Variants in RSRC1 observed in about 807,000 individuals in gnomAD.
RSRC1 encodes serine/Arginine-related protein 53.
A neutral mutation model predicts 49.1 loss-of-function variants in RSRC1; 39 were observed. The observed-to-expected ratio is 0.79, with a 90% CI of 0.61 to 1.04. The LOEUF (loss-of-function observed/expected upper bound fraction) is 1.04, where lower values mean the gene tolerates loss of function less well. Ranked by LOEUF, RSRC1 falls within the 50% of genes least tolerant of loss-of-function variation. The probability of loss-of-function intolerance (pLI) is 0.00; values close to 1 mark genes in which losing one functional copy is unlikely to be tolerated. For missense variants in RSRC1, 388 were observed against 402.4 expected (o/e 0.96, Z 0.31); for synonymous variants, 143 against 130.8 (o/e 1.09, Z -0.63).
chr3:158,300,841 T>C (rs957027284), intron 5 of RSRC1, among the ~76,000 whole-genome samples: 1 of 152,184 alleles, frequency 6.6e-6, no homozygotes, highest in Non-Finnish European at 1.5e-5. Flanking sequence ...AGAAAAATTA[T>C]ATTTGTCGCT....
At position 158,122,218 on chromosome 3, in the gene RSRC1, G is replaced by T. The variant is rs772648749; in HGVS notation, c.114G>T (p.Lys38Asn). Residue 38 changes from lysine to asparagine, a missense_variant, in exon 2 of 10, where the codon AAG becomes AAT. Physicochemically the swap from Lys to Asn is moderately conservative, Grantham distance 94. Transcript: ENST00000611884. The part of the protein sequence containing the change: ...SSSDSRTYSR[K>N]KGGRKSRSKS... ...CAGATAGTAGAACATACAGCCGAAA[G>T]AAAGGAGGAAGGAAATCAAGATCAA... The T allele has an allele frequency of 6.8e-6, 11 of 1,607,484 alleles. No individual in the cohort carries two copies. The South Asian group carries it at 1.2e-4, about 18-fold the overall frequency.
intron 6 of RSRC1, among the ~76,000 whole-genome samples, chr3:158,372,516 C>A (rs1015841039): frequency 1.4e-4 from 22 of 151,954 alleles, no homozygotes; most frequent in African/African-American, 5.1e-4. Flanking sequence ...ATCTGTCTAT[C>A]CTTTTACTCA....
At chr3:158,197,819 T>A (rs1720732470) in intron 3 of RSRC1, among the ~76,000 whole-genome samples, 1 of 152,204 alleles carries the variant, frequency 6.6e-6, no homozygotes, top group Non-Finnish European at 1.5e-5. Context: ...AGTTTCTTAA[T>A]CGTCAGTTCT....
At chr3:158,295,737 C>A (rs1375850142) in intron 4 of RSRC1, among the ~76,000 whole-genome samples, 1 of 152,068 alleles carries the variant, frequency 6.6e-6, no homozygotes, top group Non-Finnish European at 1.5e-5. Flanking sequence ...TTATAAATAT[C>A]TTTTAATTTA....
chr3:158,358,953 A>ACCC (rs1430134198), intron 6 of RSRC1, among the ~76,000 whole-genome samples: 60 of 144,224 alleles, frequency 4.2e-4, no homozygotes, highest in Admixed American at 3.7e-3. Flanking sequence ...CACACACACA[A>ACCC]CTTATTAATC....
intron 4 of RSRC1, among the ~76,000 whole-genome samples, chr3:158,279,510 T>G (rs934065970): frequency 3.3e-5 from 5 of 152,248 alleles, no homozygotes; most frequent in Non-Finnish European, 5.9e-5. Context: ...GATCCCTGAT[T>G]TGTACTTTCG....
At position 158,445,739 on chromosome 3, in the gene RSRC1, A is replaced by C. The variant is rs1328479399; in HGVS notation, c.584-15196A>C. Among the ~76,000 whole-genome samples the C allele has an allele frequency of 2.0e-5, 3 of 152,132 alleles. No individual in the cohort carries two copies. The East Asian group carries it at 5.8e-4, about 29-fold the overall frequency. On this transcript the variant is annotated intron_variant, in intron 6 of 9. Coordinates refer to ENST00000611884, the MANE Select transcript of RSRC1 (RefSeq NM_001271838.2). ...TTCCAAAATGGACCATTTTTTAATA[A>C]AGCAAATCTAAACAGGCCAATGATT...
Position 158,197,486 on chromosome 3 carries a change from T to TTG in RSRC1, c.321-5584_321-5583dup, listed in dbSNP as rs554899934. Among the ~76,000 whole-genome samples the TTG allele has an allele frequency of 2.3e-3, 347 of 152,290 alleles. 1 individual carries two copies. Among genetic ancestry groups the TTG allele is most frequent in the African/African-American group, 8.0e-3 (333 of 41,564 alleles). On this transcript the variant is annotated intron_variant, in intron 3 of 9. Transcript: ENST00000611884. ...TTCATTGATTTTTTGAAGGGATTTT[T>TTG]TGTCTCTATCTCCTTCAGTTCTGCT...
chr3:158,175,310 G>A (rs964364173), intron 3 of RSRC1, among the ~76,000 whole-genome samples: 1 of 151,898 alleles, frequency 6.6e-6, no homozygotes, highest in African/African-American at 2.4e-5. Context: ...TAATGCATAA[G>A]ACTTCTTAAT....
At chr3:158,288,869 T>C (rs1482651683) in intron 4 of RSRC1, among the ~76,000 whole-genome samples, 2 of 116,142 alleles carry the variant, frequency 1.7e-5, no homozygotes, top group African/African-American at 6.7e-5. Context: ...TGATCTGTGG[T>C]TGGTTGACTT....
intron 3 of RSRC1, among the ~76,000 whole-genome samples, chr3:158,195,182 T>A (rs1278547542): frequency 6.6e-6 from 1 of 152,168 alleles, no homozygotes; most frequent in African/African-American, 2.4e-5. Flanking sequence ...TTTTTAATGA[T>A]CGCCATTCTA....
At chr3:158,479,864 A>G (rs988241471) in intron 7 of RSRC1, among the ~76,000 whole-genome samples, 4 of 152,078 alleles carry the variant, frequency 2.6e-5, no homozygotes, top group African/African-American at 9.6e-5. Flanking sequence ...TAGATATCAA[A>G]TACTATTCCA....
intron 6 of RSRC1, among the ~76,000 whole-genome samples, chr3:158,401,897 G>A (rs1733912177): frequency 6.6e-6 from 1 of 151,874 alleles, no homozygotes; most frequent in Non-Finnish European, 1.5e-5. Context: ...CTTTCTGTGT[G>A]TAGATAACAT....
At chr3:158,425,278 T>C (rs71451518) in intron 6 of RSRC1, among the ~76,000 whole-genome samples, 1 of 152,146 alleles carries the variant, frequency 6.6e-6, no homozygotes, top group African/African-American at 2.4e-5. Context: ...TGGTATATTG[T>C]GTCTTTGTTC....
intron 7 of RSRC1, among the ~76,000 whole-genome samples, chr3:158,491,822 T>C (rs943577075): frequency 1.3e-5 from 2 of 152,122 alleles, no homozygotes; most frequent in African/African-American, 4.8e-5. Flanking sequence ...ACATTCTGAG[T>C]GGAATGTCAT....
At chr3:158,529,170 T>C (rs1281479154) in intron 7 of RSRC1, among the ~76,000 whole-genome samples, 2 of 147,800 alleles carry the variant, frequency 1.4e-5, no homozygotes, top group Non-Finnish European at 3.0e-5. Context: ...GAGTAAGATA[T>C]TATATAAAAT....
At position 158,162,453 on chromosome 3, in the gene RSRC1, T is replaced by C. The variant is rs115011082; in HGVS notation, c.320+38462T>C. Among the ~76,000 whole-genome samples the C allele has an allele frequency of 5.6e-3, 857 of 152,304 alleles. 11 individuals are homozygous for C. The highest frequency in any genetic ancestry group is 0.02 in the African/African-American group (836 of 41,564). The stretch of plus-strand genomic sequence containing the variant: ...TATCTGTAATGATAAAGAATTAATA[T>C]AACATTCAATGGAGTAGTTAGGATA... On this transcript the variant is annotated intron_variant, in intron 3 of 9. Coordinates refer to ENST00000611884, the MANE Select transcript of RSRC1 (RefSeq NM_001271838.2).
intron 6 of RSRC1, among the ~76,000 whole-genome samples, chr3:158,357,471 A>G (rs1406354707): frequency 2.0e-5 from 3 of 152,158 alleles, no homozygotes; most frequent in African/African-American, 7.2e-5. Flanking sequence ...GCTGTATAAT[A>G]TGATATAACA....
At chr3:158,419,788 C>T (rs539984682) in intron 6 of RSRC1, among the ~76,000 whole-genome samples, 2 of 146,438 alleles carry the variant, frequency 1.4e-5, no homozygotes, top group East Asian at 2.0e-4. Flanking sequence ...CAGAGATATA[C>T]AGCATACATG....
Sources: gnomAD v4.1 joint callset for allele counts (sites outside exome capture counted in the v4.1 genomes callset) on GRCh38, gnomAD v4.1.1 for gene constraint, MANE v1.5 for transcripts, NCBI Gene and HGNC (gene_info 2026-07-23, HGNC 2026-07-21) for gene names.